RIMS2: variants seen among roughly 807,000 people sequenced by gnomAD.
The protein encoded by RIMS2 is regulating synaptic membrane exocytosis protein 2.
RIMS2 carries 59 observed loss-of-function variants against 174.4 expected under a neutral mutation model. The ratio of observed to expected loss-of-function variants is 0.34; its 90% CI spans 0.27 to 0.42. The LOEUF (loss-of-function observed/expected upper bound fraction) is 0.42. Ranked by LOEUF, RIMS2 falls within the 10% of genes least tolerant of loss-of-function variation. RIMS2 has a pLI of 1.00. For missense variants in RIMS2, 1,620 were observed against 1,666.3 expected (o/e 0.97, Z 0.48); for synonymous variants, 606 against 572.5 (o/e 1.06, Z -0.84).
chr8:103,922,698 C>A, intron 10 of RIMS2: 1 of 336,404 alleles, frequency 3.0e-6, no homozygotes, highest in Non-Finnish European at 6.2e-6. Flanking sequence ...AAAAAGATAG[C>A]TTTTTGTTAA....
intron 3 of RIMS2, 28 bp downstream of exon 6, chr8:103,766,565 A>G (rs750722373): frequency 3.4e-6 from 5 of 1,470,498 alleles, no homozygotes; most frequent in Admixed American, 3.9e-5. Flanking sequence ...TCTTTAGGCA[A>G]ATGTATTACT....
intron 2 of RIMS2, among the ~76,000 whole-genome samples, chr8:103,758,682 AT>A (rs1195358942): frequency 1.3e-5 from 2 of 152,034 alleles, no homozygotes; most frequent in South Asian, 2.1e-4. Flanking sequence ...TTTTACTTTT[AT>A]TTATTCATTT....
At chr8:104,030,243 C>T (rs894647978) in intron 19 of RIMS2, among the ~76,000 whole-genome samples, 1 of 152,020 alleles carries the variant, frequency 6.6e-6, no homozygotes, top group African/African-American at 2.4e-5. Context: ...CCCAGCTACT[C>T]GGGAAGCTGA....
chr8:103,548,026 A>G (rs1446060382), intron 1 of RIMS2, among the ~76,000 whole-genome samples: 2 of 152,096 alleles, frequency 1.3e-5, no homozygotes, highest in Non-Finnish European at 2.9e-5. Flanking sequence ...TAAAAACCCT[A>G]TCAATTAAAA....
chr8:103,792,680 G>A (rs185715800), intron 3 of RIMS2, among the ~76,000 whole-genome samples: 116 of 146,020 alleles, frequency 7.9e-4, no homozygotes, highest in South Asian at 1.3e-3. Context: ...TTGATAGATC[G>A]CTAGCAAGAC....
At chr8:103,848,746 GT>G (rs1313021313) in intron 3 of RIMS2, among the ~76,000 whole-genome samples, 1 of 151,978 alleles carries the variant, frequency 6.6e-6, no homozygotes, top group Non-Finnish European at 1.5e-5. Flanking sequence ...CGAATCTCTG[GT>G]TTTGCTCTGG....
At chr8:103,568,764 T>G in intron 1 of RIMS2, 1 of 1,101,796 alleles carries the variant, frequency 9.1e-7, no homozygotes, top group African/African-American at 1.5e-5. Context: ...GGGTAAGGAA[T>G]CTATCAAAAC....
chr8:103,665,967 C>T (rs1278589618), intron 1 of RIMS2, among the ~76,000 whole-genome samples: 1 of 152,106 alleles, frequency 6.6e-6, no homozygotes, highest in African/African-American at 2.4e-5. Context: ...TATATTAATA[C>T]TTATTTAGTA....
intron 3 of RIMS2, among the ~76,000 whole-genome samples, chr8:103,772,417 C>A (rs1408681504): frequency 6.6e-6 from 1 of 151,934 alleles, no homozygotes; most frequent in Non-Finnish European, 1.5e-5. Flanking sequence ...TACATTTATA[C>A]TAGCACCAAA....
intron 3 of RIMS2, among the ~76,000 whole-genome samples, chr8:103,805,706 T>G (rs577648224): frequency 2.0e-5 from 3 of 152,156 alleles, no homozygotes; most frequent in Non-Finnish European, 4.4e-5. Flanking sequence ...CATTTCTTCT[T>G]TTATTATATT....
chr8:103,630,487 G>C (rs1159266035), intron 1 of RIMS2, among the ~76,000 whole-genome samples: 1 of 150,588 alleles, frequency 6.6e-6, no homozygotes, highest in Non-Finnish European at 1.5e-5. Context: ...GGAAATAATA[G>C]GAGAATCACT....
At chr8:104,071,573 T>A (rs1447762082) in intron 19 of RIMS2, among the ~76,000 whole-genome samples, 7 of 152,146 alleles carry the variant, frequency 4.6e-5, no homozygotes, top group Non-Finnish European at 1.0e-4. Context: ...TAGCTGGGAC[T>A]ACAGGCACGC....
intron 1 of RIMS2, among the ~76,000 whole-genome samples, chr8:103,691,681 T>A (rs2080611): frequency 0.12 from 18,899 of 152,210 alleles, 1,276 homozygotes; most frequent in Middle Eastern, 0.22. Flanking sequence ...CTGGGATTGG[T>A]CCCTAGTGCC....
At chr8:103,903,088 AATG>A (rs550186206) in intron 4 of RIMS2, among the ~76,000 whole-genome samples, 36 of 152,258 alleles carry the variant, frequency 2.4e-4, no homozygotes, top group Non-Finnish European at 4.4e-4. Context: ...TTTTTTAAAA[AATG>A]ATGATGAGAT....
intron 19 of RIMS2, among the ~76,000 whole-genome samples, chr8:104,137,361 G>A (rs1412446807): frequency 6.6e-6 from 1 of 151,996 alleles, no homozygotes; most frequent in Non-Finnish European, 1.5e-5. Flanking sequence ...ACTTCATTGA[G>A]GTTGCTTCGT....
chr8:104,193,245 CT>C (rs5893681), intron 19 of RIMS2, among the ~76,000 whole-genome samples: 25,172 of 152,042 alleles, frequency 0.17, 3,028 homozygotes, highest in East Asian at 0.53. Flanking sequence ...TCTCTTTTTA[CT>C]TTTCTGATTG....
At chr8:104,013,556 C>A (rs778853647) in exon 18 of RIMS2, 1 of 1,613,834 alleles carries the variant, frequency 6.2e-7, no homozygotes, top group Admixed American at 1.7e-5. Flanking sequence ...CTGATACAAA[C>A]CTCATGAGGT....
intron 19 of RIMS2, among the ~76,000 whole-genome samples, chr8:104,140,172 A>T (rs1349466555): frequency 6.6e-6 from 1 of 152,052 alleles, no homozygotes; most frequent in Non-Finnish European, 1.5e-5. Flanking sequence ...GCTATTTTTG[A>T]AGATTTTTGC....
chr8:103,636,893 G>T (rs2096098881), intron 1 of RIMS2, among the ~76,000 whole-genome samples: 1 of 148,146 alleles, frequency 6.8e-6, no homozygotes, highest in African/African-American at 2.5e-5. Flanking sequence ...GGAATGTTTG[G>T]CTCACATAAG....
Sources: gnomAD v4.1 joint callset for allele counts (sites outside exome capture counted in the v4.1 genomes callset) on GRCh38, gnomAD v4.1.1 for gene constraint, MANE v1.5 for transcripts, NCBI Gene and HGNC (gene_info 2026-07-23, HGNC 2026-07-21) for gene names.